The following CIT variants were observed in gnomAD, a reference collection of about 807,000 sequenced individuals.
CIT encodes the protein citron Rho-interacting kinase.
Under a neutral mutation model 272.7 loss-of-function variants are expected in CIT, and 79 were observed. The ratio of observed to expected loss-of-function variants is 0.29; its 90% confidence interval spans 0.24 to 0.35. CIT has a LOEUF of 0.35. Ranked by LOEUF, CIT falls within the 10% of genes least tolerant of loss-of-function variation. CIT has a pLI of 1.00. For synonymous variants in CIT, 948 were observed against 995.6 expected (o/e 0.95, Z 0.90); for missense variants, 1,909 against 2,618.3 (o/e 0.73, Z 5.91).
intron 40 of CIT, among the ~76,000 whole-genome samples, chr12:119,707,813 C>A (rs1439361104): frequency 6.6e-6 from 1 of 152,174 alleles, no homozygotes; most frequent in Non-Finnish European, 1.5e-5. Context: ...CCATTGCAAT[C>A]TTACACAAAA....
In CIT at chr12:119,718,747, C is replaced by T; in HGVS notation, c.3955G>A (p.Glu1319Lys). The T allele has an allele frequency of 6.2e-7, 1 of 1,614,122 alleles. No individual in the cohort carries two copies. Among genetic ancestry groups the T allele is most frequent in the Non-Finnish European group, 8.5e-7 (1 of 1,180,040 alleles). The change falls in exon 31 of 48, where the codon GAA (glutamate) becomes AAA (lysine). Residue 1319 changes from glutamate (E) to lysine (K), a missense_variant. Transcript: ENST00000392521. This position sits in a 1 kb window ranked among gnomAD's most constrained non-coding sequence, Gnocchi z 4.8. ...TCGATGCGGGTCTTCTGAAGGGCTTCCTCTAGCTCTGCACAGCGAGCTTTC... is the reference window on the plus strand; with the variant it reads ...TCGATGCGGGTCTTCTGAAGGGCTTTCTCTAGCTCTGCACAGCGAGCTTTC... The part of the protein sequence containing the change: ...KEKARCAELE[E>K]ALQKTRIELR...
intron 8 of CIT, among the ~76,000 whole-genome samples, chr12:119,824,108 GTATATATATA>G (rs59234933): frequency 0.18 from 22,467 of 125,330 alleles, 2,014 homozygotes; most frequent in Admixed American, 0.22. Context: ...TAGTTTTACT[GTATATATATA>G]TATATATATA....
chr12:119,836,284 T>TAAAAAAAAAAAAAAA (rs201559880), intron 5 of CIT, among the ~76,000 whole-genome samples: 1 of 42,262 alleles, frequency 2.4e-5, no homozygotes, highest in African/African-American at 1.0e-4. Context: ...AGACTCCATC[T>TAAAAAAAAAAAAAAA]AAAAAAAAAA....
At chr12:119,778,648 C>A (rs375836296) in intron 13 of CIT, among the ~76,000 whole-genome samples, 4 of 152,130 alleles carry the variant, frequency 2.6e-5, no homozygotes, top group African/African-American at 4.8e-5. Flanking sequence ...TGACGCCCCC[C>A]CCCCAGAGCA....
intron 28 of CIT, among the ~76,000 whole-genome samples, chr12:119,722,200 T>C (rs1957840517): frequency 6.6e-6 from 1 of 152,152 alleles, no homozygotes; most frequent in South Asian, 2.1e-4. Context: ...CTAAAATGCA[T>C]CCGTTTCTAA....
At chr12:119,807,348 G>A (rs1966669447) in intron 9 of CIT, among the ~76,000 whole-genome samples, 1 of 152,216 alleles carries the variant, frequency 6.6e-6, no homozygotes, top group African/African-American at 2.4e-5. Flanking sequence ...TAAGGATTGT[G>A]TAAAATCTGG....
chr12:119,711,146 C>A, intron 37 of CIT: 2 of 1,342,682 alleles, frequency 1.5e-6, no homozygotes, highest in Non-Finnish European at 2.0e-6. Flanking sequence ...TGTGAAACGA[C>A]CAACAAGTCA....
chr12:119,712,724 A>C lies in CIT; in HGVS notation c.4580-29T>G. 6.4e-7 allele frequency: 1 copy of C among 1,571,282 alleles called. No homozygotes were observed. The highest frequency in any genetic ancestry group is 8.8e-7 in the Non-Finnish European group (1 of 1,141,244). On this transcript the variant is annotated intron_variant, in intron 35 of 47. Coordinates refer to ENST00000392521, the MANE Select transcript of CIT (RefSeq NM_001206999.2). The surrounding 1 kb of genome is among the most constrained non-coding windows in gnomAD (Gnocchi z 5.2). ...GGTGCAAAGAGGAAGGGCAGAAAGAAAAACAAAAGAACAGGAACAAGAACA... is the reference window on the plus strand; with the variant it reads ...GGTGCAAAGAGGAAGGGCAGAAAGACAAACAAAAGAACAGGAACAAGAACA...
At chr12:119,727,872 G>A (rs1958199889) in intron 28 of CIT, among the ~76,000 whole-genome samples, 1 of 151,694 alleles carries the variant, frequency 6.6e-6, no homozygotes, top group Non-Finnish European at 1.5e-5. Context: ...CAAGGCTGCA[G>A]TGAGTAGTGA....
Position 119,773,805 on chromosome 12 carries a change from C to CT in CIT, c.1942-896dup, listed in dbSNP as rs371055830. ...AAGTAATATTTGTGGCTCCCTCACACTTTGATTGGAGAGCAGAGTTCTAGA... is the reference window on the plus strand; with the variant it reads ...AAGTAATATTTGTGGCTCCCTCACACTTTTGATTGGAGAGCAGAGTTCTAGA... On this transcript the variant is annotated intron_variant, in intron 16 of 47. Transcript: ENST00000392521. Among the ~76,000 whole-genome samples, 336 of 152,278 alleles carry CT rather than the reference C, an allele frequency of 2.2e-3. 2 individuals are homozygous for CT. The highest frequency in any genetic ancestry group is 7.6e-3 in the African/African-American group (317 of 41,550).
At chr12:119,699,911 A>T (rs1233601362) in intron 44 of CIT, 1 of 456,114 alleles carries the variant, frequency 2.2e-6, no homozygotes, top group East Asian at 6.9e-5. Context: ...ACGTATGTAC[A>T]TACTTGTATG....
At chr12:119,867,835 A>T (rs911252754) in intron 3 of CIT, among the ~76,000 whole-genome samples, 1 of 152,204 alleles carries the variant, frequency 6.6e-6, no homozygotes, top group African/African-American at 2.4e-5. Context: ...AAAGTCAGAA[A>T]CAGGGTGAAG....
intron 16 of CIT, among the ~76,000 whole-genome samples, chr12:119,774,090 T>A (rs965656324): frequency 1.3e-5 from 2 of 152,158 alleles, no homozygotes; most frequent in African/African-American, 4.8e-5. Context: ...TTATGAGGTA[T>A]ATAAAGTAGT....
chr12:119,747,580 G>A (rs549653358), intron 23 of CIT, among the ~76,000 whole-genome samples: 6 of 151,156 alleles, frequency 4.0e-5, no homozygotes, highest in Admixed American at 1.3e-4. Context: ...TTAACTGGGC[G>A]TGGTGGGCGA....
chr12:119,831,834 C>T (rs1002749715), intron 7 of CIT, among the ~76,000 whole-genome samples: 3 of 152,054 alleles, frequency 2.0e-5, no homozygotes, highest in Non-Finnish European at 4.4e-5. Flanking sequence ...CGCGCCACTG[C>T]ACTCCAGCCT....
chr12:119,807,892 A>C (rs1249664900), intron 9 of CIT, among the ~76,000 whole-genome samples: 1 of 149,200 alleles, frequency 6.7e-6, no homozygotes, highest in African/African-American at 2.4e-5. Context: ...AAAGCCACTA[A>C]AAAAAAAAAT....
At chr12:119,825,556 G>T (rs1488635688) in intron 7 of CIT, among the ~76,000 whole-genome samples, 188 bp from the exon 8 acceptor site, 4 of 142,560 alleles carry the variant, frequency 2.8e-5, no homozygotes, top group Non-Finnish European at 6.1e-5. Flanking sequence ...AAAAAAAAAA[G>T]CACACAGCAT....
At chr12:119,755,816 C>T (rs567748871) in intron 22 of CIT, among the ~76,000 whole-genome samples, 1 of 152,244 alleles carries the variant, frequency 6.6e-6, no homozygotes, top group Admixed American at 6.5e-5. Flanking sequence ...CCTGGCCACT[C>T]TTCCCAGCCT....
chr12:119,804,389 C>G lies in CIT; in HGVS notation c.1112-1000G>C. On this transcript the variant is annotated intron_variant, in intron 9 of 47. Coordinates refer to ENST00000392521, the MANE Select transcript of CIT (RefSeq NM_001206999.2). This position sits in a 1 kb window ranked among gnomAD's most constrained non-coding sequence, Gnocchi z 5.3. ...GCGAGTTAGAGCCGAGCATCACATC[C>G]CCCGCAGTGCAGGCTGCATGCTCCC... is the stretch of plus-strand genomic sequence containing the variant. 1.0e-6 allele frequency: 1 copy of G among 985,608 alleles called. No homozygotes were observed. Among genetic ancestry groups the G allele is most frequent in the Non-Finnish European group, 1.2e-6 (1 of 830,062 alleles). 61.1% of individuals were successfully genotyped at this position (985,608 alleles called of 1,614,324 possible).
Sources: gnomAD v4.1 joint callset for allele counts (sites outside exome capture counted in the v4.1 genomes callset) on GRCh38, gnomAD v4.1.1 for gene constraint, Gnocchi (gnomAD v3.1) non-coding constraint, MANE v1.5 for transcripts, NCBI Gene and HGNC (gene_info 2026-07-23, HGNC 2026-07-21) for gene names.